Variants in LIMS1 observed in about 807,000 individuals in gnomAD.
The protein encoded by LIMS1 is LIM zinc finger domain containing 1.
LIMS1 carries 18 observed loss-of-function variants against 44.1 expected under a neutral mutation model. The ratio of observed to expected loss-of-function variants is 0.41; its 90% confidence interval spans 0.28 to 0.61. LIMS1 has a LOEUF of 0.61. Among genes scored for constraint, LIMS1 ranks in the 20% least tolerant of loss-of-function variants. The pLI, the probability that LIMS1 is intolerant of heterozygous loss-of-function variation, is 0.32. For synonymous variants in LIMS1, 93 were observed against 149.1 expected, an observed-to-expected ratio of 0.62 and a Z score of 2.74; for missense variants, 201 against 422.0, an observed-to-expected ratio of 0.48 and a Z score of 4.59.
chr2:108,600,261 G>T (rs1686936566), intron 1 of LIMS1, among the ~76,000 whole-genome samples: 1 of 151,342 alleles, frequency 6.6e-6, no homozygotes, highest in African/African-American at 2.4e-5. Flanking sequence ...ATTTTGGCCA[G>T]GCTGGTCTTG....
At chr2:108,612,005 CACAT>C (rs1361846774) in intron 1 of LIMS1, among the ~76,000 whole-genome samples, 1 of 135,072 alleles carries the variant, frequency 7.4e-6, no homozygotes, top group Non-Finnish European at 1.5e-5. Flanking sequence ...TATATATACA[CACAT>C]ATATATATAC....
At chr2:108,568,168 G>A (rs1340344091) in intron 1 of LIMS1, among the ~76,000 whole-genome samples, 1 of 152,164 alleles carries the variant, frequency 6.6e-6, no homozygotes, top group Admixed American at 6.5e-5. Flanking sequence ...CAATTAGCCT[G>A]CAGAAAAATT....
intron 1 of LIMS1, among the ~76,000 whole-genome samples, chr2:108,637,131 G>A (rs1204934617): frequency 6.6e-6 from 1 of 151,492 alleles, no homozygotes; most frequent in Non-Finnish European, 1.5e-5. Flanking sequence ...GTGTGTGTGT[G>A]TGTGTGTGTG....
intron 8 of LIMS1, among the ~76,000 whole-genome samples, chr2:108,680,196 C>T (rs1261064636): frequency 6.6e-6 from 1 of 151,446 alleles, no homozygotes; most frequent in African/African-American, 2.4e-5. Context: ...TGGTGAAATC[C>T]CGTCTCTATT....
At chr2:108,628,072 C>T (rs1329645709) in intron 1 of LIMS1, among the ~76,000 whole-genome samples, 1 of 152,232 alleles carries the variant, frequency 6.6e-6, no homozygotes, top group African/African-American at 2.4e-5. Context: ...CCAGGCTTTG[C>T]CTGCAGTGCT....
intron 1 of LIMS1, among the ~76,000 whole-genome samples, chr2:108,639,489 A>G (rs915798243): frequency 3.3e-5 from 5 of 152,328 alleles, no homozygotes; most frequent in African/African-American, 7.2e-5. Context: ...GTCTCGCTCT[A>G]TCGCCCAGGC....
chr2:108,652,307 C>T (rs1285249263), intron 1 of LIMS1, among the ~76,000 whole-genome samples: 3 of 152,388 alleles, frequency 2.0e-5, no homozygotes, highest in South Asian at 2.1e-4. Context: ...TGCCCTTCAG[C>T]GGGTGAACAG....
At chr2:108,607,028 AC>A in intron 1 of LIMS1, 1 of 587,972 alleles carries the variant, frequency 1.7e-6, no homozygotes, top group Non-Finnish European at 3.0e-6. Flanking sequence ...TGAACTTCTA[AC>A]CCCAAAGTAA....
At chr2:108,589,714 A>G (rs1034052563) in intron 1 of LIMS1, among the ~76,000 whole-genome samples, 1 of 152,008 alleles carries the variant, frequency 6.6e-6, no homozygotes, top group Admixed American at 6.6e-5. Flanking sequence ...TTCCATCTTC[A>G]TTTGTCACAA....
chr2:108,678,625 A>C (rs1692733892), intron 8 of LIMS1: 1 of 152,390 alleles, frequency 6.6e-6, no homozygotes, highest in African/African-American at 2.4e-5. Context: ...CTTTTGAAAC[A>C]CTGTTCATGT....
intron 9 of LIMS1, chr2:108,681,045 C>T (rs1190492336): frequency 9.4e-6 from 12 of 1,279,546 alleles, no homozygotes; most frequent in East Asian, 6.1e-5. Context: ...ATTTAAGAGG[C>T]GACTTGCCAA....
intron 1 of LIMS1, among the ~76,000 whole-genome samples, chr2:108,551,492 C>CAG (rs1491120541): frequency 2.2e-5 from 1 of 45,780 alleles, no homozygotes; most frequent in African/African-American, 1.4e-4. Flanking sequence ...CGCGCGCGCG[C>CAG]ACACACACAC....
chr2:108,650,094 T>C (rs1047857169), intron 1 of LIMS1, among the ~76,000 whole-genome samples: 29 of 152,210 alleles, frequency 1.9e-4, no homozygotes, highest in African/African-American at 7.0e-4. Context: ...TCTGACTTTT[T>C]TGGTATTTTC....
intron 1 of LIMS1, among the ~76,000 whole-genome samples, chr2:108,638,073 T>G (rs1689401502): frequency 6.6e-6 from 1 of 152,068 alleles, no homozygotes; most frequent in Non-Finnish European, 1.5e-5. Context: ...CTCCAGCTCC[T>G]GAGCTCAAGT....
intron 1 of LIMS1, among the ~76,000 whole-genome samples, chr2:108,643,782 G>T (rs1689874068): frequency 6.6e-6 from 1 of 152,206 alleles, no homozygotes; most frequent in Non-Finnish European, 1.5e-5. Context: ...AAATTCTTGT[G>T]CTAGTATAGC....
At chr2:108,611,921 AATATATATATACATATATAAAAT>A (rs1313419922) in intron 1 of LIMS1, among the ~76,000 whole-genome samples, 1 of 82,218 alleles carries the variant, frequency 1.2e-5, no homozygotes, top group Non-Finnish European at 2.7e-5. Context: ...ACACATATAA[AATATATATATACATATATAAAAT>A]ATATATACAT....
At chr2:108,595,614 GGTTT>G (rs1170216053) in intron 1 of LIMS1, among the ~76,000 whole-genome samples, 1 of 151,918 alleles carries the variant, frequency 6.6e-6, no homozygotes, top group Non-Finnish European at 1.5e-5. Flanking sequence ...CATTGTACTT[GGTTT>G]ATTTTGTTGT....
rs113484536 is a variant in LIMS1 at position 108,681,552 on chromosome 2, C to T, written c.899+782C>T. On this transcript the variant is annotated intron_variant, in intron 9 of 9. Coordinates refer to ENST00000544547, the Ensembl canonical transcript of LIMS1. ...ATCCTGGTTTTTGGTTTCCTTGCCA[C>T]GATCATTTAATTGATAAATTATAAG... The T allele has an allele frequency of 7.0e-5, 67 of 961,336 alleles. No individual in the cohort carries two copies. In the African/African-American group the frequency reaches 1.0e-3, roughly 15 times the overall value. The allele number at this position is 961,336 out of a possible 1,614,324, so 59.6% of individuals were successfully genotyped here.
chr2:108,608,507 T>C (rs1477695007), intron 1 of LIMS1, among the ~76,000 whole-genome samples: 2 of 152,146 alleles, frequency 1.3e-5, no homozygotes, highest in Non-Finnish European at 2.9e-5. Context: ...GGTTTCACCA[T>C]GTTGGCCATG....
Sources: allele counts gnomAD v4.1 joint callset (sites outside exome capture counted in the v4.1 genomes callset), GRCh38; gene constraint gnomAD v4.1.1; transcripts MANE v1.5; gene names NCBI Gene and HGNC (gene_info 2026-07-23, HGNC 2026-07-21).